Variants in GREB1L observed in about 807,000 individuals in gnomAD.
The protein encoded by GREB1L is GREB1 like retinoic acid receptor coactivator, also known as GREB1-like protein.
GREB1L carries 17 observed loss-of-function variants against 200.8 expected under a neutral mutation model. The ratio of observed to expected loss-of-function variants is 0.08; its 90% CI spans 0.06 to 0.13. The LOEUF (loss-of-function observed/expected upper bound fraction) is 0.13. Among genes scored for constraint, GREB1L ranks in the 10% least tolerant of loss-of-function variants. The probability of loss-of-function intolerance (pLI) is 1.00; values close to 1 mark genes in which losing one functional copy is unlikely to be tolerated. For missense variants in GREB1L, 1,657 were observed against 2,367.7 expected (o/e 0.70, Z 6.23); for synonymous variants, 789 against 893.0 (o/e 0.88, Z 2.08).
At position 21,426,992 on chromosome 18, in the gene GREB1L, A is replaced by C. The variant is rs796490617; in HGVS notation, c.833-12529A>C. The stretch of plus-strand genomic sequence containing the variant: ...AAAAAACAAAAAAAAAAAAAACAAA[A>C]AAAAAAAACTGTTTTGGCTATTCTG... On this transcript the variant is annotated intron_variant, in intron 7 of 32. Transcript: ENST00000424526. Among the ~76,000 whole-genome samples the C allele has an allele frequency of 2.4e-3, 337 of 139,712 alleles. 8 individuals are homozygous for C. The highest frequency in any genetic ancestry group is 8.7e-3 in the African/African-American group (322 of 37,194). The allele number at this position is 139,712 out of a possible 152,430, so 91.7% of individuals were successfully genotyped here.
intron 1 of GREB1L, among the ~76,000 whole-genome samples, chr18:21,304,820 G>T (rs900973386): frequency 1.4e-4 from 22 of 152,062 alleles, no homozygotes; most frequent in Admixed American, 1.2e-3. Context: ...CCCACCTAGG[G>T]GCTGTTATCT....
intron 7 of GREB1L, among the ~76,000 whole-genome samples, chr18:21,413,828 A>T (rs1461735379): frequency 2.0e-5 from 3 of 152,228 alleles, no homozygotes; most frequent in Non-Finnish European, 4.4e-5. Flanking sequence ...CATGAGGAAG[A>T]ATATCCCACT....
Position 21,440,293 on chromosome 18 carries a change from C to A in GREB1L, c.974C>A (p.Pro325Gln). The part of the protein sequence containing the change: ...DQATMFISGP[P>Q]KKRHRGWYPG... ...GCTACCATGTTCATTTCTGGGCCACCAAAGAAACGACACCGGGGATGGTAT... is the reference window on the plus strand; with the variant it reads ...GCTACCATGTTCATTTCTGGGCCACAAAAGAAACGACACCGGGGATGGTAT... Residue 325 changes from proline (P) to glutamine (Q), a missense_variant, in exon 9 of 33, where the codon CCA becomes CAA. This residue lies in a region of GREB1L where 289 missense variants were observed against 345.1 expected (regional missense o/e 0.84). Transcript: ENST00000424526. The A allele has an allele frequency of 6.4e-7, 1 of 1,551,484 alleles. No homozygotes were observed. Among genetic ancestry groups the A allele is most frequent in the East Asian group, 2.4e-5 (1 of 40,900 alleles).
rs372174766 is a variant in GREB1L, at chr18:21,382,058, G to A, written c.-9-1452G>A. Among the ~76,000 whole-genome samples the A allele has an allele frequency of 3.3e-4, 51 of 152,260 alleles. No homozygotes were observed. The Middle Eastern group carries it at 0.024, about 71-fold the overall frequency. ...AATTTTGTTTAAATAGTTTCAGATA[G>A]TTTTGGCTGAGTGTGGTGGCTCATG... On this transcript the variant is annotated intron_variant, in intron 2 of 32. Transcript: ENST00000424526.
intron 1 of GREB1L, among the ~76,000 whole-genome samples, chr18:21,291,742 G>A (rs1165703034): frequency 6.6e-6 from 1 of 152,166 alleles, no homozygotes; most frequent in South Asian, 2.1e-4. Context: ...GCAGCTCATT[G>A]GGGACTAAAA....
intron 7 of GREB1L, among the ~76,000 whole-genome samples, chr18:21,411,002 A>G (rs1421838609): frequency 6.6e-6 from 1 of 152,152 alleles, no homozygotes; most frequent in African/African-American, 2.4e-5. Flanking sequence ...TTATGAATTA[A>G]TAAGAGAAGT....
intron 1 of GREB1L, among the ~76,000 whole-genome samples, chr18:21,300,826 TG>T (rs954601019): frequency 3.9e-5 from 6 of 151,920 alleles, no homozygotes; most frequent in African/African-American, 1.5e-4. Context: ...TGAGGGGTGG[TG>T]GGGGGAGGGA....
chr18:21,409,245 A>T (rs1372657207), intron 7 of GREB1L, among the ~76,000 whole-genome samples: 1 of 152,234 alleles, frequency 6.6e-6, no homozygotes, highest in Non-Finnish European at 1.5e-5. Context: ...AATCTCAAAA[A>T]TATGATGTTA....
chr18:21,249,002 A>G (rs1368224216), intron 1 of GREB1L, among the ~76,000 whole-genome samples: 2 of 152,264 alleles, frequency 1.3e-5, no homozygotes, highest in Non-Finnish European at 2.9e-5. Flanking sequence ...GCATATAGCA[A>G]AAATATCACT....
intron 1 of GREB1L, among the ~76,000 whole-genome samples, chr18:21,324,394 G>T (rs1040602698): frequency 6.6e-6 from 1 of 152,114 alleles, no homozygotes; most frequent in Non-Finnish European, 1.5e-5. Context: ...GATAAATCTT[G>T]ATTAAATATG....
At chr18:21,430,963 G>T (rs185254234) in intron 7 of GREB1L, among the ~76,000 whole-genome samples, 1 of 150,622 alleles carries the variant, frequency 6.6e-6, no homozygotes. Context: ...CATCCCATAA[G>T]TTGTTGTATG....
chr18:21,397,480 G>A (rs8093232), intron 5 of GREB1L, among the ~76,000 whole-genome samples: 6,943 of 148,448 alleles, frequency 0.047, 544 homozygotes, highest in African/African-American at 0.17. Flanking sequence ...AGCGGAGATC[G>A]CGCCACTGCA....
chr18:21,468,116 T>C (rs2035339413), intron 15 of GREB1L, among the ~76,000 whole-genome samples: 1 of 150,666 alleles, frequency 6.6e-6, no homozygotes, highest in Admixed American at 6.6e-5. Context: ...TTATTCATAA[T>C]AGCAAAAAAG....
chr18:21,398,246 A>T (rs2041168815), intron 5 of GREB1L, among the ~76,000 whole-genome samples: 1 of 152,138 alleles, frequency 6.6e-6, no homozygotes, highest in African/African-American at 2.4e-5. Flanking sequence ...GTACTTTAAG[A>T]ACTTCAGCAA....
chr18:21,472,941 T>A, intron 15 of GREB1L, 90 bp from the exon 16 acceptor site: 2 of 828,920 alleles, frequency 2.4e-6, no homozygotes, highest in Non-Finnish European at 3.6e-6. Context: ...TGGTACCCAG[T>A]GTCAGCTGAC....
In GREB1L at chr18:21,370,801, G is replaced by A. The variant is rs372258191; in HGVS notation, c.-10+4665G>A. On this transcript the variant is annotated intron_variant, in intron 2 of 32. Transcript: ENST00000424526. ...GTAGCTATTTAAATTAATTACTGCTGGGCGCAGTGGCTCACGCCTATAATT... is the reference window on the plus strand; with the variant it reads ...GTAGCTATTTAAATTAATTACTGCTAGGCGCAGTGGCTCACGCCTATAATT... 3.9e-5 allele frequency among the ~76,000 whole-genome samples: 6 copies of A among 152,276 alleles called. No individual in the cohort carries two copies. The East Asian group carries it at 1.2e-3, about 29-fold the overall frequency.
At chr18:21,522,102 CAT>C (rs1462487842) in intron 32 of GREB1L, among the ~76,000 whole-genome samples, 3 of 151,030 alleles carry the variant, frequency 2.0e-5, no homozygotes, top group African/African-American at 7.3e-5. Context: ...AGGAGGAACA[CAT>C]GAGAAACATA....
chr18:21,516,841 T>C (rs2037435268), intron 30 of GREB1L, 87 bp downstream of exon 30: 10 of 1,252,730 alleles, frequency 8.0e-6, no homozygotes, highest in Non-Finnish European at 9.8e-6. Flanking sequence ...ATTAAGCACT[T>C]TCTATTTTAT....
rs1184339704 is a variant in GREB1L, at chr18:21,306,704, A to AAT, written c.-119-59317_-119-59316dup. Among the ~76,000 whole-genome samples, 4 of 152,366 alleles carry AAT rather than the reference A, an allele frequency of 2.6e-5. No homozygotes were observed. In the South Asian group the frequency reaches 6.2e-4, roughly 24 times the overall value. Reference sequence around the variant, plus strand: ...AGTTCATTTAACTGCAAAGCTTCTGAATATATAATGATTTTCCAGGAATTA... The same window carrying AAT: ...AGTTCATTTAACTGCAAAGCTTCTGAATATATATAATGATTTTCCAGGAATTA... On this transcript the variant is annotated intron_variant, in intron 1 of 32. Coordinates refer to ENST00000424526, the MANE Select transcript of GREB1L (RefSeq NM_001142966.3).
Sources: allele counts gnomAD v4.1 joint callset (sites outside exome capture counted in the v4.1 genomes callset), GRCh38; gene constraint gnomAD v4.1.1; regional missense constraint gnomAD v4.1.1; transcripts MANE v1.5; gene names NCBI Gene and HGNC (gene_info 2026-07-23, HGNC 2026-07-21).